COL6A5: variants seen among roughly 807,000 people sequenced by gnomAD.
COL6A5 encodes the protein collagen type VI alpha 5 chain, also known as collagen alpha-5(VI) chain.
COL6A5 carries 48 observed loss-of-function variants against 65.6 expected under a neutral mutation model. That is an observed-to-expected ratio of 0.73 (90% CI 0.58 to 0.93). The LOEUF is 0.93. Among genes scored for constraint, COL6A5 ranks in the 40% least tolerant of loss-of-function variants. The pLI, the probability that COL6A5 is intolerant of heterozygous loss-of-function variation, is 0.00. For synonymous variants in COL6A5, 291 were observed against 322.8 expected (o/e 0.90, Z 1.05); for missense variants, 914 against 928.3 (o/e 0.98, Z 0.20).
intron 1 of COL6A5, among the ~76,000 whole-genome samples, chr3:130,363,426 G>A (rs183445968): frequency 6.6e-6 from 1 of 152,084 alleles, no homozygotes; most frequent in African/African-American, 2.4e-5. Flanking sequence ...CTGTGTTCCC[G>A]AGCTATGAAC....
At chr3:130,440,221 C>T (rs1450957645) in exon 3 of COL6A5, 20 of 1,613,074 alleles carry the variant, frequency 1.2e-5, no homozygotes, top group Non-Finnish European at 1.6e-5. Context: ...AAGATTCATA[C>T]ATGGATGTAG....
At chr3:130,388,216 T>C (rs1936266289) in intron 5 of COL6A5, among the ~76,000 whole-genome samples, 1 of 152,118 alleles carries the variant, frequency 6.6e-6, no homozygotes, top group Admixed American at 6.6e-5. Flanking sequence ...GTGCAAGGAA[T>C]TGATTGCTTT....
intron 4 of COL6A5, among the ~76,000 whole-genome samples, chr3:130,446,871 G>C (rs1212036760): frequency 6.6e-6 from 1 of 152,086 alleles, no homozygotes; most frequent in Non-Finnish European, 1.5e-5. Context: ...CTGTATAATG[G>C]CGTTTGGCTG....
intron 1 of COL6A5, among the ~76,000 whole-genome samples, chr3:130,355,853 G>T (rs975734525): frequency 1.3e-5 from 2 of 151,930 alleles, no homozygotes; most frequent in African/African-American, 2.4e-5. Flanking sequence ...TCACAGATCT[G>T]ATCAAAAAGC....
At chr3:130,374,522 C>A (rs889821290) in intron 2 of COL6A5, among the ~76,000 whole-genome samples, 1 of 152,186 alleles carries the variant, frequency 6.6e-6, no homozygotes, top group African/African-American at 2.4e-5. Flanking sequence ...GATGCAGTCT[C>A]GGCTCACCAC....
chr3:130,457,081 A>G (rs576856295), intron 5 of COL6A5, among the ~76,000 whole-genome samples: 37 of 151,976 alleles, frequency 2.4e-4, no homozygotes, highest in Non-Finnish European at 4.9e-4. Flanking sequence ...TTTTATTTTC[A>G]TGTAGACATA....
chr3:130,436,865 T>C (rs1296351365), intron 1 of COL6A5, among the ~76,000 whole-genome samples: 1 of 152,142 alleles, frequency 6.6e-6, no homozygotes, highest in Non-Finnish European at 1.5e-5. Flanking sequence ...CTCTTGACAC[T>C]CTCATCCAGA....
intron 5 of COL6A5, 146 bp from the exon 38 acceptor site, chr3:130,468,649 G>A: frequency 3.2e-6 from 2 of 626,938 alleles, no homozygotes; most frequent in Non-Finnish European, 5.5e-6. Flanking sequence ...GTGCATCTGG[G>A]AACAAGCAAT....
exon 6 of COL6A5, chr3:130,388,597 G>T: frequency 6.5e-7 from 1 of 1,544,280 alleles, no homozygotes; most frequent in Admixed American, 2.0e-5. Context: ...AGACATGAAG[G>T]CCGACATCAT....
intron 14 of COL6A5, among the ~76,000 whole-genome samples, 158 bp downstream of exon 14, chr3:130,405,817 T>C (rs1377765994): frequency 6.6e-6 from 1 of 152,218 alleles, no homozygotes; most frequent in Non-Finnish European, 1.5e-5. Context: ...AGACTAATTC[T>C]GCTTTTTAAT....
At chr3:130,354,526 A>T (rs550718706) in intron 1 of COL6A5, among the ~76,000 whole-genome samples, 1 of 152,314 alleles carries the variant, frequency 6.6e-6, no homozygotes, top group Non-Finnish European at 1.5e-5. Context: ...TGCAGAACTC[A>T]GGGCTCACTC....
intron 7 of COL6A5, among the ~76,000 whole-genome samples, chr3:130,479,364 T>C (rs1020809459): frequency 2.6e-5 from 4 of 152,084 alleles, no homozygotes; most frequent in African/African-American, 9.7e-5. Flanking sequence ...TTTATGGTAG[T>C]TTGTTATAGC....
chr3:130,405,959 GATTTGTC>G (rs1936974193), intron 14 of COL6A5, 27 bp from the exon 15 acceptor site: 1 of 1,548,814 alleles, frequency 6.5e-7, no homozygotes. Flanking sequence ...CTCTGTCTTT[GATTTGTC>G]AGTGAGAGAT....
At chr3:130,401,278 T>A in intron 11 of COL6A5, 105 bp downstream of exon 11, 1 of 1,005,194 alleles carries the variant, frequency 9.9e-7, no homozygotes, top group Non-Finnish European at 1.4e-6. Flanking sequence ...CCCACTAAAT[T>A]AAGTGCTTTG....
chr3:130,456,466 G>A (rs989987742), intron 5 of COL6A5, among the ~76,000 whole-genome samples: 1 of 152,000 alleles, frequency 6.6e-6, no homozygotes, highest in Non-Finnish European at 1.5e-5. Context: ...ATTCGATTGT[G>A]TAATACAAAA....
intron 7 of COL6A5, chr3:130,477,127 A>G: frequency 7.3e-7 from 1 of 1,374,326 alleles, no homozygotes; most frequent in South Asian, 1.2e-5. Context: ...TTCATACTCT[A>G]TGTTTATAGA....
At chr3:130,483,393 A>C (rs1710298051) in intron 7 of COL6A5, among the ~76,000 whole-genome samples, 1 of 152,206 alleles carries the variant, frequency 6.6e-6, no homozygotes, top group Admixed American at 6.5e-5. Flanking sequence ...CTTAAATGTA[A>C]ACAGGCTAAA....
At chr3:130,418,874 G>T in exon 25 of COL6A5, 1 of 1,550,788 alleles carries the variant, frequency 6.4e-7, no homozygotes, top group Non-Finnish European at 8.7e-7. Flanking sequence ...ACTAGGGAGA[G>T]CCTGGACTTC....
intron 1 of COL6A5, among the ~76,000 whole-genome samples, chr3:130,357,919 G>C (rs1301541936): frequency 1.3e-5 from 2 of 152,198 alleles, no homozygotes; most frequent in East Asian, 1.9e-4. Flanking sequence ...GCCGAGCATG[G>C]TGGCTCATGC....
Sources: allele counts gnomAD v4.1 joint callset (sites outside exome capture counted in the v4.1 genomes callset), GRCh38; gene constraint gnomAD v4.1.1; transcripts MANE v1.5; gene names NCBI Gene and HGNC (gene_info 2026-07-23, HGNC 2026-07-21).